Variants in EPS15 observed in about 807,000 individuals in gnomAD.
The protein encoded by EPS15 is epidermal growth factor receptor substrate 15.
In EPS15, 72 loss-of-function variants were observed where a neutral mutation model predicts 113.8. That is an observed-to-expected ratio of 0.63 (90% CI 0.52 to 0.77). The LOEUF (loss-of-function observed/expected upper bound fraction) is 0.77. Among genes scored for constraint, EPS15 ranks in the 30% least tolerant of loss-of-function variants. The pLI is 0.00. For synonymous variants in EPS15, 344 were observed against 363.4 expected (o/e 0.95, Z 0.61); for missense variants, 1,048 against 1,045.8 (o/e 1.00, Z -0.03).
chr1:51,403,527 T>G lies in EPS15; in HGVS notation c.1683A>C (p.Arg561Ser). 6.4e-7 allele frequency: 1 copy of G among 1,555,100 alleles called. No homozygotes were observed. The highest frequency in any genetic ancestry group is 8.8e-7 in the Non-Finnish European group (1 of 1,140,832). Residue 561 changes from arginine (R) to serine (S), a missense_variant, in exon 17 of 25, where the codon AGA becomes AGC. By Grantham distance (110) the Arg-to-Ser change is moderately radical. Transcript: ENST00000371733. ...CAGAAGGCAGTAGTTCAGGACTACT[T>G]CTTGCCTACAAAATATTAATGCAAG... Reference protein sequence around the residue: ...SEPIHQESPARSSPELLPSGV... With the variant: ...SEPIHQESPASSSPELLPSGV...
rs1339905199 is a variant in EPS15 at position 51,357,421 on chromosome 1, TA to T, written c.2545-576del. On this transcript the variant is annotated intron_variant, in intron 24 of 24. Transcript: ENST00000371733. The stretch of plus-strand genomic sequence containing the variant: ...ATATATATATATATATATATATATA[TA>T]TATATTTTTTTTTTTTAAATGTGAT... Among the ~76,000 whole-genome samples the T allele has an allele frequency of 6.6e-3, 451 of 68,356 alleles. 3 individuals are homozygous for T. Among genetic ancestry groups the T allele is most frequent in the East Asian group, 0.031 (55 of 1,748 alleles). 44.8% of individuals were successfully genotyped at this position (68,356 alleles called of 152,430 possible). A position where few individuals can be genotyped will look rare whatever the true frequency, so the allele number is the denominator to read the frequency against.
chr1:51,510,490 T>C lies in EPS15; in HGVS notation c.33+8709A>G, dbSNP rs576004014. Among the ~76,000 whole-genome samples, 7 of 152,304 alleles carry C rather than the reference T, an allele frequency of 4.6e-5. No homozygotes were observed. In the East Asian group the frequency reaches 1.3e-3, roughly 29 times the overall value. On this transcript the variant is annotated intron_variant, in intron 1 of 24. Coordinates refer to ENST00000371733, the MANE Select transcript of EPS15 (RefSeq NM_001981.3). Reference sequence around the variant, plus strand: ...TAGATCATCTAAAAGTATTTAGTATTTATTAGGTGTTCTAGAAGCATCAGT... The same window carrying C: ...TAGATCATCTAAAAGTATTTAGTATCTATTAGGTGTTCTAGAAGCATCAGT...
intron 10 of EPS15, among the ~76,000 whole-genome samples, chr1:51,445,435 G>A (rs1652957433): frequency 6.6e-6 from 1 of 152,116 alleles, no homozygotes; most frequent in South Asian, 2.1e-4. Context: ...GGTGGCATTA[G>A]AAGGATTCTA....
chr1:51,401,001 G>A, intron 18 of EPS15, 48 bp from the exon 19 acceptor site: 1 of 1,234,698 alleles, frequency 8.1e-7, no homozygotes, highest in East Asian at 2.5e-5. Flanking sequence ...TATTTACTGT[G>A]GTGACACCAC....
chr1:51,440,480 T>G, intron 11 of EPS15, 48 bp from the exon 12 acceptor site: 1 of 891,830 alleles, frequency 1.1e-6, no homozygotes, highest in Non-Finnish European at 1.7e-6. Flanking sequence ...AATTAGGTAA[T>G]ATAAGACAAA....
At chr1:51,364,090 C>T (rs548404162) in intron 22 of EPS15, 62 bp from the exon 23 acceptor site, 1 of 1,244,536 alleles carries the variant, frequency 8.0e-7, no homozygotes, top group South Asian at 1.7e-5. Flanking sequence ...AGTCATGTAG[C>T]ATTCAGAATA....
At chr1:51,362,622 A>C (rs1206636350) in intron 23 of EPS15, among the ~76,000 whole-genome samples, 4 of 152,230 alleles carry the variant, frequency 2.6e-5, no homozygotes, top group African/African-American at 9.6e-5. Flanking sequence ...CCTTAGAAGG[A>C]ATCACTTAAC....
At chr1:51,483,938 C>G (rs747704492) in intron 1 of EPS15, among the ~76,000 whole-genome samples, 1 of 152,040 alleles carries the variant, frequency 6.6e-6, no homozygotes, top group African/African-American at 2.4e-5. Context: ...TAGAGAAACA[C>G]CATCTCCACC....
chr1:51,411,528 G>T (rs1649723173), intron 13 of EPS15, among the ~76,000 whole-genome samples: 1 of 152,166 alleles, frequency 6.6e-6, no homozygotes. Context: ...TAAGAGACTT[G>T]AAATTATAAT....
At chr1:51,470,969 A>C (rs558118702) in intron 4 of EPS15, among the ~76,000 whole-genome samples, 2 of 152,292 alleles carry the variant, frequency 1.3e-5, no homozygotes, top group African/African-American at 4.8e-5. Flanking sequence ...CCTTCTACCC[A>C]GAGACATGAA....
intron 21 of EPS15, among the ~76,000 whole-genome samples, chr1:51,370,415 T>A (rs1172058415): frequency 6.6e-6 from 1 of 152,088 alleles, no homozygotes; most frequent in East Asian, 1.9e-4. Flanking sequence ...AATCCAAAAA[T>A]CCTGAAACCA....
At position 51,384,289 on chromosome 1, in the gene EPS15, T is replaced by C. The variant is rs538871272; in HGVS notation, c.2119+10092A>G. 6.2e-3 allele frequency among the ~76,000 whole-genome samples: 811 copies of C among 130,006 alleles called. 1 individual carries two copies. The highest frequency in any genetic ancestry group is 0.01 in the Non-Finnish European group (643 of 62,876). The allele number at this position is 130,006 out of a possible 152,430, so 85.3% of individuals were successfully genotyped here. A position where few individuals can be genotyped will look rare whatever the true frequency, so the allele number is the denominator to read the frequency against. ...ATAGCCAAAGCAGTCTTTTTCTTTT[T>C]CTTTCTTTCTTTTTTTTTTTTTTTT... On this transcript the variant is annotated intron_variant, in intron 21 of 24. Transcript: ENST00000371733.
At chr1:51,456,998 AG>A (rs888839450) in intron 8 of EPS15, among the ~76,000 whole-genome samples, 5 of 152,140 alleles carry the variant, frequency 3.3e-5, no homozygotes, top group East Asian at 1.9e-4. Context: ...TTAGAACATG[AG>A]GGGGGGCCAG....
At chr1:51,500,314 GA>G (rs758088268) in intron 1 of EPS15, among the ~76,000 whole-genome samples, 13 of 152,148 alleles carry the variant, frequency 8.5e-5, no homozygotes, top group Non-Finnish European at 1.9e-4. Context: ...ACTCAGACAT[GA>G]AATTGCTGGA....
chr1:51,490,915 T>C (rs1644221212), intron 1 of EPS15, among the ~76,000 whole-genome samples: 1 of 152,334 alleles, frequency 6.6e-6, no homozygotes, highest in East Asian at 1.9e-4. Context: ...CTGTTTTTGC[T>C]ATTGCTGTAG....
chr1:51,399,762 G>A (rs1648339687), intron 19 of EPS15, among the ~76,000 whole-genome samples: 1 of 152,230 alleles, frequency 6.6e-6, no homozygotes, highest in East Asian at 1.9e-4. Flanking sequence ...GGGAGGCTGA[G>A]GCATGAGAAT....
intron 2 of EPS15, 94 bp from the exon 3 acceptor site, chr1:51,473,042 G>A: frequency 3.3e-6 from 3 of 910,748 alleles, no homozygotes; most frequent in Non-Finnish European, 5.4e-6. Flanking sequence ...TTGGGACCTG[G>A]CTTTTGCAAG....
intron 14 of EPS15, among the ~76,000 whole-genome samples, chr1:51,409,038 G>A (rs944127066): frequency 6.6e-6 from 1 of 151,944 alleles, no homozygotes; most frequent in Non-Finnish European, 1.5e-5. Context: ...CGCCTGCCTC[G>A]GCCTCCCAAA....
intron 14 of EPS15, among the ~76,000 whole-genome samples, chr1:51,408,650 C>T (rs1032177055): frequency 6.6e-6 from 1 of 151,970 alleles, no homozygotes; most frequent in Non-Finnish European, 1.5e-5. Context: ...GAGACAGTCT[C>T]ACTCTGTCAC....
Sources: allele counts gnomAD v4.1 joint callset (sites outside exome capture counted in the v4.1 genomes callset), GRCh38; gene constraint gnomAD v4.1.1; transcripts MANE v1.5; gene names NCBI Gene and HGNC (gene_info 2026-07-23, HGNC 2026-07-21).